The following COA5 variants were observed in gnomAD, a reference collection of about 807,000 sequenced individuals.
COA5 encodes cytochrome c oxidase assembly factor 5.
Under a neutral mutation model 11.8 loss-of-function variants are expected in COA5, and 11 were observed. The observed-to-expected ratio is 0.93, with a 90% confidence interval of 0.59 to 1.54. COA5 has a LOEUF of 1.54. COA5 is among the 40% of genes most tolerant of loss of function. The pLI is 0.00. For synonymous variants in COA5, 38 were observed against 37.5 expected (o/e 1.01, Z -0.05); for missense variants, 87 against 89.2 (o/e 0.97, Z 0.10).
At position 98,603,879 on chromosome 2, in the gene COA5, A is replaced by G. The variant is rs1238186673; in HGVS notation, c.183+229T>C. Reference sequence around the variant, plus strand: ...TTCATTCTCACACTTTCAGAAATGCATGAAGTTCAGCAGCTGTAGTTAGCA... The same window carrying G: ...TTCATTCTCACACTTTCAGAAATGCGTGAAGTTCAGCAGCTGTAGTTAGCA... On this transcript the variant is annotated intron_variant, in intron 2 of 2. Coordinates refer to ENST00000328709, the MANE Select transcript of COA5 (RefSeq NM_001008215.3). Among the ~76,000 whole-genome samples the G allele has an allele frequency of 3.3e-5, 5 of 152,244 alleles. No individual in the cohort carries two copies. In the East Asian group the frequency reaches 7.7e-4, roughly 23 times the overall value.
At chr2:98,605,533 GAGAA>G (rs1700695953) in intron 1 of COA5, among the ~76,000 whole-genome samples, 1 of 152,224 alleles carries the variant, frequency 6.6e-6, no homozygotes, top group Non-Finnish European at 1.5e-5. Flanking sequence ...AAGGACAAAA[GAGAA>G]AGTTCTCTAT....
chr2:98,601,913 C>T (rs1263833330), intron 2 of COA5, among the ~76,000 whole-genome samples: 1 of 152,160 alleles, frequency 6.6e-6, no homozygotes, highest in African/African-American at 2.4e-5. Context: ...CCATCCCCTG[C>T]CCCCTTCCCC....
At chr2:98,603,512 C>T (rs1272604467) in intron 2 of COA5, among the ~76,000 whole-genome samples, 1 of 151,974 alleles carries the variant, frequency 6.6e-6, no homozygotes, top group Non-Finnish European at 1.5e-5. Context: ...AAAAAACATC[C>T]TCAAGTCCAA....
intron 2 of COA5, 102 bp downstream of exon 2, chr2:98,604,006 C>T: frequency 1.2e-6 from 1 of 856,458 alleles, no homozygotes; most frequent in Non-Finnish European, 1.9e-6. Context: ...TTTTTCCAAA[C>T]CATATCACTG....
chr2:98,603,747 A>C (rs1465416041), intron 2 of COA5, among the ~76,000 whole-genome samples: 4 of 152,238 alleles, frequency 2.6e-5, no homozygotes, highest in Non-Finnish European at 5.9e-5. Flanking sequence ...CATAAGGCAC[A>C]AATGTATACA....
In COA5 at chr2:98,608,427, C is replaced by A; in HGVS notation, c.-22G>T. On this transcript the variant is annotated 5_prime_UTR_variant, in exon 1 of 3. Transcript: ENST00000328709. ...GCATGACGGCGCTTCCCCTCCGATGCGGACGCGACTTTCTCCCACCGCAAC... is the reference window on the plus strand; with the variant it reads ...GCATGACGGCGCTTCCCCTCCGATGAGGACGCGACTTTCTCCCACCGCAAC... The A allele has an allele frequency of 6.4e-7, 1 of 1,551,740 alleles. No homozygotes were observed. Among genetic ancestry groups the A allele is most frequent in the Non-Finnish European group, 8.8e-7 (1 of 1,142,728 alleles).
intron 1 of COA5, among the ~76,000 whole-genome samples, chr2:98,607,234 C>A (rs554819050): frequency 3.9e-5 from 6 of 152,292 alleles, no homozygotes; most frequent in Middle Eastern, 3.4e-3. Context: ...AGGTACCATG[C>A]CTGCCACTTA....
At chr2:98,608,038 T>G (rs1700734399) in intron 1 of COA5, among the ~76,000 whole-genome samples, 1 of 152,274 alleles carries the variant, frequency 6.6e-6, no homozygotes, top group South Asian at 2.1e-4. Context: ...AGTAGAGTGC[T>G]AGCATTCAAT....
intron 1 of COA5, chr2:98,604,698 C>T (rs1237701878): frequency 6.1e-6 from 1 of 162,900 alleles, no homozygotes; most frequent in Non-Finnish European, 1.3e-5. Context: ...GACTCTACAG[C>T]CGCATCACTG....
intron 2 of COA5, among the ~76,000 whole-genome samples, chr2:98,602,823 C>T (rs535163398): frequency 3.3e-5 from 5 of 152,274 alleles, no homozygotes; most frequent in South Asian, 2.1e-4. Flanking sequence ...AATCTGACTT[C>T]GTTCTTTGGA....
chr2:98,601,027 C>T (rs1356821963), intron 2 of COA5, among the ~76,000 whole-genome samples: 1 of 152,052 alleles, frequency 6.6e-6, no homozygotes, highest in Non-Finnish European at 1.5e-5. Flanking sequence ...GGGCGGATCA[C>T]AAGGTCAAGA....
chr2:98,605,284 G>C (rs1163776362), intron 1 of COA5, among the ~76,000 whole-genome samples: 1 of 152,228 alleles, frequency 6.6e-6, no homozygotes, highest in Non-Finnish European at 1.5e-5. Context: ...ACTGGAATGT[G>C]TGGGAAACAG....
chr2:98,600,887 A>G, intron 2 of COA5, 94 bp from the exon 3 acceptor site: 2 of 815,042 alleles, frequency 2.5e-6, no homozygotes, highest in African/African-American at 1.7e-5. Flanking sequence ...TGAGAGAAAT[A>G]AACCAGTTAT....
rs1195616104 is a variant in COA5 at position 98,599,978 on chromosome 2, G to A, written c.*774C>T. On this transcript the variant is annotated 3_prime_UTR_variant, in exon 3 of 3. Coordinates refer to ENST00000328709, the MANE Select transcript of COA5 (RefSeq NM_001008215.3). ...AGGGACTGGTCCAATGCAAGGGCAG[G>A]TGATCCTGGGAAGACCAGAGTCCTT... 2 of 152,342 alleles carry A rather than the reference G, an allele frequency of 1.3e-5. No individual in the cohort carries two copies. Among genetic ancestry groups the A allele is most frequent in the Non-Finnish European group, 2.9e-5 (2 of 68,134 alleles). 9.4% of individuals were successfully genotyped at this position (152,342 alleles called of 1,614,324 possible).
Position 98,600,631 on chromosome 2 carries a change from G to A in COA5, c.*121C>T, listed in dbSNP as rs1700628495. ...CATCCACTTTCTTCAGTGTTCCACG[G>A]AGGGGAAATCTGGTCCAACCAAACA... On this transcript the variant is annotated 3_prime_UTR_variant, in exon 3 of 3. Transcript: ENST00000328709. The A allele has an allele frequency of 3.8e-5, 30 of 798,870 alleles. No homozygotes were observed. The South Asian group carries it at 4.4e-4, about 12-fold the overall frequency. 49.5% of individuals were successfully genotyped at this position (798,870 alleles called of 1,614,324 possible). A position where few individuals can be genotyped will look rare whatever the true frequency, so the allele number is the denominator to read the frequency against.
intron 2 of COA5, among the ~76,000 whole-genome samples, chr2:98,602,881 C>T (rs764758740): frequency 4.6e-5 from 7 of 152,276 alleles, no homozygotes; most frequent in South Asian, 4.1e-4. Context: ...GTTTACTGCA[C>T]ACGCTTTGAA....
In COA5 at chr2:98,608,486, A is replaced by C; in HGVS notation, c.-81T>G. On this transcript the variant is annotated 5_prime_UTR_variant, in exon 1 of 3. Transcript: ENST00000328709. The stretch of plus-strand genomic sequence containing the variant: ...CCGGGTCGGGAGCGAGCGAGGCCCC[A>C]GTCTCAGGGGACCGGAAGCCAGCGG... The C allele has an allele frequency of 9.0e-7, 1 of 1,112,746 alleles. No homozygotes were observed. The allele number at this position is 1,112,746 out of a possible 1,614,324, so 68.9% of individuals were successfully genotyped here. A position where few individuals can be genotyped will look rare whatever the true frequency, so the allele number is the denominator to read the frequency against.
chr2:98,606,401 A>G (rs375690303), intron 1 of COA5, among the ~76,000 whole-genome samples: 2 of 152,360 alleles, frequency 1.3e-5, no homozygotes, highest in South Asian at 2.1e-4. Flanking sequence ...ACGAACTTCC[A>G]TCTAAAGAAC....
At chr2:98,604,077 C>T (rs929717159) in intron 2 of COA5, 31 bp downstream of exon 2, 13 of 1,535,162 alleles carry the variant, frequency 8.5e-6, no homozygotes, top group East Asian at 2.3e-5. Context: ...TAATTTTTAG[C>T]ATAGGCTTTT....
Sources: gnomAD v4.1 joint callset for allele counts (sites outside exome capture counted in the v4.1 genomes callset) on GRCh38, gnomAD v4.1.1 for gene constraint, MANE v1.5 for transcripts, NCBI Gene and HGNC (gene_info 2026-07-23, HGNC 2026-07-21) for gene names.